ANXA10: variants seen among roughly 807,000 people sequenced by gnomAD.
ANXA10 encodes the protein annexin A10, also known as annexin 14.
ANXA10 carries 49 observed loss-of-function variants against 53.5 expected under a neutral mutation model. The observed-to-expected ratio is 0.92, with a 90% CI of 0.73 to 1.16. The LOEUF is 1.16. Among genes scored for constraint, ANXA10 ranks in the 50% most tolerant of loss-of-function variants. The probability of loss-of-function intolerance (pLI) is 0.00; values close to 1 mark genes in which losing one functional copy is unlikely to be tolerated. For synonymous variants in ANXA10, 131 were observed against 128.9 expected, an observed-to-expected ratio of 1.02 and a Z score of -0.11; for missense variants, 393 against 394.4, an observed-to-expected ratio of 1.00 and a Z score of 0.03.
chr4:168,107,572 T>G (rs2149465566), intron 1 of ANXA10, among the ~76,000 whole-genome samples: 1 of 152,322 alleles, frequency 6.6e-6, no homozygotes, highest in South Asian at 2.1e-4. Context: ...TTAGTAAGTT[T>G]AGGCTACTAT....
Position 168,177,697 on chromosome 4 carries a change from T to A in ANXA10, c.481-43T>A, listed in dbSNP as rs768785913. 2.5e-6 allele frequency: 4 copies of A among 1,599,596 alleles called. No individual in the cohort carries two copies. In the East Asian group the frequency reaches 8.9e-5, roughly 36 times the overall value. ...GTCTCACTAATCCAATATGAGTTGC[T>A]GACTAAGAACATTTACATGGAAAAC... On this transcript the variant is annotated intron_variant, in intron 6 of 11. Transcript: ENST00000359299.
At chr4:168,158,038 A>AT (rs1731718966) in intron 3 of ANXA10, among the ~76,000 whole-genome samples, 1 of 152,190 alleles carries the variant, frequency 6.6e-6, no homozygotes, top group Admixed American at 6.6e-5. Context: ...CGTGGTTGCA[A>AT]TATATTACAT....
chr4:168,161,854 G>C (rs558909732), intron 3 of ANXA10, among the ~76,000 whole-genome samples: 187 of 152,128 alleles, frequency 1.2e-3, no homozygotes, highest in African/African-American at 4.4e-3. Flanking sequence ...TCATGATTTG[G>C]CTCTTGGCTT....
At chr4:168,122,244 T>G (rs912058008) in intron 1 of ANXA10, among the ~76,000 whole-genome samples, 1 of 152,214 alleles carries the variant, frequency 6.6e-6, no homozygotes, top group African/African-American at 2.4e-5. Context: ...TGTCTTAATA[T>G]TGTTTCTAAA....
intron 3 of ANXA10, among the ~76,000 whole-genome samples, chr4:168,158,126 C>T (rs1205612047): frequency 6.6e-6 from 1 of 152,186 alleles, no homozygotes; most frequent in Non-Finnish European, 1.5e-5. Context: ...ATTTTAGCTG[C>T]TCTAGAGAAT....
At chr4:168,148,748 T>C (rs147078279) in intron 3 of ANXA10, among the ~76,000 whole-genome samples, 4 of 152,296 alleles carry the variant, frequency 2.6e-5, no homozygotes, top group African/African-American at 7.2e-5. Context: ...CCCAATTCTA[T>C]GTTTCTGATT....
intron 1 of ANXA10, among the ~76,000 whole-genome samples, chr4:168,112,849 T>C (rs1730832864): frequency 1.3e-5 from 2 of 151,976 alleles, no homozygotes; most frequent in Non-Finnish European, 2.9e-5. Flanking sequence ...GATGAAATCC[T>C]GTCTCTACTA....
intron 2 of ANXA10, among the ~76,000 whole-genome samples, chr4:168,135,109 G>C (rs539560298): frequency 6.6e-6 from 1 of 152,320 alleles, no homozygotes; most frequent in Admixed American, 6.5e-5. Flanking sequence ...TGCAAGAAGG[G>C]AGAGAGAGTG....
intron 1 of ANXA10, among the ~76,000 whole-genome samples, chr4:168,110,117 A>C (rs541790780): frequency 6.6e-6 from 1 of 152,340 alleles, no homozygotes; most frequent in African/African-American, 2.4e-5. Context: ...AGGCTGAGGC[A>C]GGAGAATGGC....
At chr4:168,131,206 C>A (rs144561739) in intron 2 of ANXA10, among the ~76,000 whole-genome samples, 2,559 of 151,904 alleles carry the variant, frequency 0.017, 34 homozygotes, top group African/African-American at 0.033. Flanking sequence ...TTTAAAAATT[C>A]TCTTGTCACT....
chr4:168,160,578 C>G (rs1185486997), intron 3 of ANXA10, among the ~76,000 whole-genome samples: 1 of 152,032 alleles, frequency 6.6e-6, no homozygotes, highest in Non-Finnish European at 1.5e-5. Context: ...GGGCATATAG[C>G]CAGTAATGAG....
chr4:168,158,133 G>A (rs1731721655), intron 3 of ANXA10, among the ~76,000 whole-genome samples: 1 of 152,190 alleles, frequency 6.6e-6, no homozygotes, highest in South Asian at 2.1e-4. Context: ...CTGCTCTAGA[G>A]AATATGTGGT....
chr4:168,114,286 A>G lies in ANXA10; in HGVS notation c.19-13798A>G, dbSNP rs567195389. 6.9e-4 allele frequency among the ~76,000 whole-genome samples: 103 copies of G among 150,014 alleles called. 1 individual carries two copies. The highest frequency in any genetic ancestry group is 2.2e-3 in the African/African-American group (87 of 39,914). On this transcript the variant is annotated intron_variant, in intron 1 of 11. Coordinates refer to ENST00000359299, the MANE Select transcript of ANXA10 (RefSeq NM_007193.5). ...GTCTATACATATATTTTATTTATTT[A>G]TTTTTTAGACAGAGTCTTGCTCTGT... is the stretch of plus-strand genomic sequence containing the variant.
intron 1 of ANXA10, among the ~76,000 whole-genome samples, chr4:168,104,932 G>A (rs1053571826): frequency 1.3e-4 from 20 of 150,168 alleles, no homozygotes; most frequent in African/African-American, 3.7e-4. Context: ...ATTTTATTTC[G>A]TTCTAATATA....
At chr4:168,131,341 G>A (rs1304168060) in intron 2 of ANXA10, among the ~76,000 whole-genome samples, 1 of 152,052 alleles carries the variant, frequency 6.6e-6, no homozygotes, top group African/African-American at 2.4e-5. Context: ...AGCATATTTT[G>A]TATGTTTTTT....
chr4:168,156,736 C>G (rs561729656), intron 3 of ANXA10, among the ~76,000 whole-genome samples: 1 of 151,868 alleles, frequency 6.6e-6, no homozygotes, highest in Non-Finnish European at 1.5e-5. Context: ...ATCTCCTGAC[C>G]TCCTGATCCT....
chr4:168,150,723 C>T (rs1731481983), intron 3 of ANXA10, among the ~76,000 whole-genome samples: 1 of 152,098 alleles, frequency 6.6e-6, no homozygotes, highest in Non-Finnish European at 1.5e-5. Context: ...TAGCATGTTG[C>T]GAGGGTGGAA....
chr4:168,156,108 T>TATAATATATATTATATATAAA (rs1553957710), intron 3 of ANXA10, among the ~76,000 whole-genome samples: 1,305 of 41,270 alleles, frequency 0.032, 31 homozygotes, highest in Non-Finnish European at 0.042. Flanking sequence ...TATATAAATA[T>TATAATATATATTATATATAAA]TATATTTATT....
At chr4:168,137,480 G>A (rs72987461) in intron 2 of ANXA10, among the ~76,000 whole-genome samples, 1,759 of 152,088 alleles carry the variant, frequency 0.012, 26 homozygotes, top group African/African-American at 0.04. Context: ...TACTCAATAT[G>A]TCCATGTGTA....
Sources: gnomAD v4.1 joint callset for allele counts (sites outside exome capture counted in the v4.1 genomes callset) on GRCh38, gnomAD v4.1.1 for gene constraint, MANE v1.5 for transcripts, NCBI Gene and HGNC (gene_info 2026-07-23, HGNC 2026-07-21) for gene names.